Variants in RCL1 observed in about 807,000 individuals in gnomAD.
The protein encoded by RCL1 is RNA terminal phosphate cyclase like 1, also known as RNA 3'-terminal phosphate cyclase-like protein.
RCL1 carries 24 observed loss-of-function variants against 42.4 expected under a neutral mutation model. That is an observed-to-expected ratio of 0.57 (90% CI 0.41 to 0.80). The LOEUF is 0.80. Ranked by LOEUF, RCL1 falls within the 30% of genes least tolerant of loss-of-function variation. The pLI is 0.00. For synonymous variants in RCL1, 228 were observed against 177.3 expected (o/e 1.29, Z -2.27); for missense variants, 578 against 467.9 (o/e 1.24, Z -2.17).
intron 1 of RCL1, among the ~76,000 whole-genome samples, chr9:4,797,991 A>G (rs1842940801): frequency 6.6e-6 from 1 of 152,212 alleles, no homozygotes; most frequent in Non-Finnish European, 1.5e-5. Context: ...TCTTCCTTTC[A>G]TTGAAGAGGA....
Position 4,833,169 on chromosome 9 carries a change from G to A in RCL1, c.400G>A (p.Ala134Thr), listed in dbSNP as rs1817006928. 6.2e-7 allele frequency: 1 copy of A among 1,611,426 alleles called. No homozygotes were observed. Among genetic ancestry groups the A allele is most frequent in the South Asian group, 1.1e-5 (1 of 91,028 alleles). The part of the protein sequence containing the change: ...QVDPSVDVLK[A>T]TALPLLKQFG... ...AATTTCATAGGTTGATGTTCTTAAG[G>A]CAACAGCACTCCCTTTGTTGAAACA... Residue 134 changes from alanine (A) to threonine (T), a missense_variant, in exon 4 of 9, where the codon GCA (alanine) becomes ACA (threonine). Coordinates refer to ENST00000381750, the MANE Select transcript of RCL1 (RefSeq NM_005772.5).
rs771944307 is a variant in RCL1 at position 4,826,941 on chromosome 9, T to A, written c.292T>A (p.Tyr98Asn). The A allele has an allele frequency of 6.2e-7, 1 of 1,614,216 alleles. No homozygotes were observed. Among genetic ancestry groups the A allele is most frequent in the Non-Finnish European group, 8.5e-7 (1 of 1,180,022 alleles). The change falls in exon 3 of 9, where the codon TAC becomes AAC. Residue 98 changes from tyrosine (Y) to asparagine (N), a missense_variant. Coordinates refer to ENST00000381750, the MANE Select transcript of RCL1 (RefSeq NM_005772.5). Reference protein sequence around the residue: ...DCSVLRGIGYYLESLLCLAPF... With the variant: ...DCSVLRGIGYNLESLLCLAPF... ...TAGCGTCCTTCGTGGCATTGGGTATTACCTGGAGAGTCTTCTTTGCTTGGC... is the reference window on the plus strand; with the variant it reads ...TAGCGTCCTTCGTGGCATTGGGTATAACCTGGAGAGTCTTCTTTGCTTGGC...
intron 1 of RCL1, 27 bp downstream of exon 1, chr9:4,793,254 G>A (rs841990): frequency 0.62 from 977,035 of 1,566,150 alleles, 312,075 homozygotes; most frequent in East Asian, 0.76. Context: ...GGCGCGCGGC[G>A]TGGGCGCGGG....
intron 1 of RCL1, among the ~76,000 whole-genome samples, chr9:4,811,164 C>G (rs750141902): frequency 1.3e-4 from 20 of 151,852 alleles, no homozygotes; most frequent in Non-Finnish European, 1.5e-5. Context: ...CACCTATTGT[C>G]CCAGCTACTC....
chr9:4,801,297 G>A (rs904973389), intron 1 of RCL1, among the ~76,000 whole-genome samples: 2 of 151,914 alleles, frequency 1.3e-5, no homozygotes, highest in African/African-American at 2.4e-5. Context: ...TCAGCCTCCC[G>A]AGTAGCTGGG....
At chr9:4,860,090 CT>C (rs1301394166) in intron 8 of RCL1, 34 bp from the exon 9 acceptor site, 2 of 1,411,490 alleles carry the variant, frequency 1.4e-6, no homozygotes, top group East Asian at 2.6e-5. Flanking sequence ...GAATGAATTT[CT>C]TTTTATTTAT....
chr9:4,849,771 A>G (rs1178834071), intron 8 of RCL1, among the ~76,000 whole-genome samples: 1 of 152,196 alleles, frequency 6.6e-6, no homozygotes, highest in African/African-American at 2.4e-5. Flanking sequence ...CTGAAATTGC[A>G]TGATCTCTAT....
chr9:4,850,147 T>C (rs1817679184), intron 8 of RCL1: 1 of 370,656 alleles, frequency 2.7e-6, no homozygotes, highest in South Asian at 2.2e-5. Flanking sequence ...TTCCTATTGA[T>C]AGTAAATGAG....
At chr9:4,799,075 C>T (rs1300328558) in intron 1 of RCL1, among the ~76,000 whole-genome samples, 1 of 122,962 alleles carries the variant, frequency 8.1e-6, no homozygotes, top group Non-Finnish European at 1.7e-5. Context: ...TCTCCCCCTC[C>T]TTCTCTCCTT....
rs759035602 is a variant in RCL1 at position 4,793,256 on chromosome 9, G to C, written c.136+29G>C. On this transcript the variant is annotated intron_variant, in intron 1 of 8. Coordinates refer to ENST00000381750, the MANE Select transcript of RCL1 (RefSeq NM_005772.5). The stretch of plus-strand genomic sequence containing the variant: ...ACTTGGTGTGGGCGGCGCGCGGCGT[G>C]GGCGCGGGGGCTGAGGGGAGACCGA... The C allele has an allele frequency of 2.6e-5, 40 of 1,560,678 alleles. No homozygotes were observed. The African/African-American group carries it at 5.1e-4, about 20-fold the overall frequency.
chr9:4,799,455 G>C (rs1227925703), intron 1 of RCL1, among the ~76,000 whole-genome samples: 1 of 152,150 alleles, frequency 6.6e-6, no homozygotes, highest in Non-Finnish European at 1.5e-5. Context: ...GTTAGAACTA[G>C]GATATTGACA....
intron 3 of RCL1, among the ~76,000 whole-genome samples, chr9:4,828,165 C>CAAAAAA (rs147771721): frequency 3.9e-5 from 2 of 50,746 alleles, no homozygotes; most frequent in Admixed American, 1.8e-4. Context: ...GACTCCGTCT[C>CAAAAAA]AAAAAAAAAA....
In RCL1 at chr9:4,833,209, G is replaced by A. The variant is rs767137265; in HGVS notation, c.440G>A (p.Gly147Asp). 2 of 1,612,600 alleles carry A rather than the reference G, an allele frequency of 1.2e-6. No homozygotes were observed. The highest frequency in any genetic ancestry group is 3.3e-5 in the Admixed American group (2 of 60,032). Residue 147 changes from glycine (G) to aspartate (D), a missense_variant, in exon 4 of 9, where the codon GGT becomes GAT. Gly to Asp is a moderately conservative substitution (Grantham distance 94). Transcript: ENST00000381750. ...TTGTTGAAACAATTTGGGATTGATGGTGAATCATTTGAACTGAAGGTAAGA... is the reference window on the plus strand; with the variant it reads ...TTGTTGAAACAATTTGGGATTGATGATGAATCATTTGAACTGAAGGTAAGA... ...LPLLKQFGID[G>D]ESFELKIVRR...
intron 1 of RCL1, among the ~76,000 whole-genome samples, chr9:4,822,488 T>G (rs1199860790): frequency 6.6e-6 from 1 of 152,186 alleles, no homozygotes; most frequent in African/African-American, 2.4e-5. Context: ...TTTCCCCTTC[T>G]TTTTTCCTCT....
intron 2 of RCL1, 121 bp downstream of exon 2, chr9:4,823,740 A>G: frequency 3.1e-6 from 2 of 652,540 alleles, no homozygotes; most frequent in South Asian, 2.1e-5. Context: ...CACTCTTTTT[A>G]ATGGTATAAA....
rs368283831 is a variant in RCL1 at position 4,851,078 on chromosome 9, G to A, written c.971+1528G>A. 2.1e-4 allele frequency among the ~76,000 whole-genome samples: 32 copies of A among 152,234 alleles called. 1 individual carries two copies. The highest frequency in any genetic ancestry group is 7.0e-4 in the African/African-American group (29 of 41,544). On this transcript the variant is annotated intron_variant, in intron 8 of 8. Coordinates refer to ENST00000381750, the MANE Select transcript of RCL1 (RefSeq NM_005772.5). ...TTCAATTTGGCTCCAGGACCTGTAT[G>A]ATGTTTTCAAGCTTTGCAGAGATGC...
chr9:4,860,160 A>C lies in RCL1; in HGVS notation c.1007A>C (p.Gln336Pro), dbSNP rs370635863. ...TTGCGGCATTTGAAGAGCTTTTTCC[A>C]GATTATGTTTAAAATTGAAACCAAG... ...EFLRHLKSFF[Q>P]IMFKIETKPC... Residue 336 changes from glutamine to proline, a missense_variant, in exon 9 of 9, where the codon CAG becomes CCG. By Grantham distance (76) the Gln-to-Pro change is moderately conservative. Transcript: ENST00000381750. 1.0e-4 allele frequency: 166 copies of C among 1,601,268 alleles called. No homozygotes were observed. The highest frequency in any genetic ancestry group is 1.4e-4 in the Non-Finnish European group (163 of 1,175,598).
rs1250354535 is a variant in RCL1 at position 4,793,030 on chromosome 9, G to C, written c.-62G>C. On this transcript the variant is annotated 5_prime_UTR_variant, in exon 1 of 9. Transcript: ENST00000381750. ...GCCACCACCACCATCGGAGTCACGA[G>C]TCCCGCGTCTGTCCGAAGTCGCCGC... 2 of 1,548,832 alleles carry C rather than the reference G, an allele frequency of 1.3e-6. No individual in the cohort carries two copies. Among genetic ancestry groups the C allele is most frequent in the African/African-American group, 1.4e-5 (1 of 72,198 alleles).
intron 3 of RCL1, among the ~76,000 whole-genome samples, chr9:4,831,785 T>C (rs1293544616): frequency 3.3e-5 from 5 of 152,246 alleles, no homozygotes; most frequent in Admixed American, 6.5e-5. Context: ...CACAGGTCAT[T>C]CCTAAGTCTG....
Sources: gnomAD v4.1 joint callset for allele counts (sites outside exome capture counted in the v4.1 genomes callset) on GRCh38, gnomAD v4.1.1 for gene constraint, MANE v1.5 for transcripts, NCBI Gene and HGNC (gene_info 2026-07-23, HGNC 2026-07-21) for gene names.